HTR4: variants seen among roughly 807,000 people sequenced by gnomAD.
HTR4 encodes the protein 5-hydroxytryptamine receptor 4.
HTR4 carries 16 observed loss-of-function variants against 36.8 expected under a neutral mutation model. The observed-to-expected ratio is 0.43, with a 90% confidence interval of 0.29 to 0.66. The LOEUF (loss-of-function observed/expected upper bound fraction) is 0.66, where lower values mean the gene tolerates loss of function less well. Ranked by LOEUF, HTR4 falls within the 30% of genes least tolerant of loss-of-function variation. HTR4 has a pLI of 0.13. For missense variants in HTR4, 438 were observed against 490.9 expected (o/e 0.89, Z 1.02); for synonymous variants, 189 against 185.1 (o/e 1.02, Z -0.17).
intron 2 of HTR4, among the ~76,000 whole-genome samples, chr5:148,588,245 C>A (rs1180836074): frequency 6.6e-6 from 1 of 152,182 alleles, no homozygotes; most frequent in Non-Finnish European, 1.5e-5. Context: ...CATTGTTGAC[C>A]AACCTCTTTA....
intron 2 of HTR4, among the ~76,000 whole-genome samples, chr5:148,591,979 A>G (rs1761591664): frequency 6.6e-6 from 1 of 152,130 alleles, no homozygotes; most frequent in Non-Finnish European, 1.5e-5. Context: ...AGACATGGAA[A>G]CAACTGAAAT....
chr5:148,566,038 T>C (rs1313041157), intron 2 of HTR4, among the ~76,000 whole-genome samples: 1 of 152,216 alleles, frequency 6.6e-6, no homozygotes, highest in African/African-American at 2.4e-5. Flanking sequence ...CTTATAGCTG[T>C]TCATAAAGAT....
intron 5 of HTR4, among the ~76,000 whole-genome samples, chr5:148,518,509 T>G (rs1339836401): frequency 2.6e-5 from 4 of 152,210 alleles, no homozygotes; most frequent in South Asian, 4.1e-4. Context: ...TTGTAATTCC[T>G]TCCCAAAAGT....
intron 6 of HTR4, chr5:148,490,535 T>G: frequency 9.0e-7 from 1 of 1,114,684 alleles, no homozygotes; most frequent in African/African-American, 1.7e-5. Flanking sequence ...GGACGATGCT[T>G]ATGATTTTGT....
At chr5:148,585,371 A>G (rs760717116) in intron 2 of HTR4, among the ~76,000 whole-genome samples, 18 of 152,210 alleles carry the variant, frequency 1.2e-4, no homozygotes, top group Non-Finnish European at 2.4e-4. Flanking sequence ...TACCAAAATA[A>G]AACTAATGAA....
At chr5:148,472,018 T>C (rs190222674), downstream of HTR4, among the ~76,000 whole-genome samples, 503 of 152,314 alleles carry the variant, frequency 3.3e-3, 3 homozygotes, top group African/African-American at 0.011. Context: ...ACTCTCAGGA[T>C]ACTCACATAG....
chr5:148,582,416 C>T (rs1761171522), intron 2 of HTR4, among the ~76,000 whole-genome samples: 1 of 151,646 alleles, frequency 6.6e-6, no homozygotes, highest in African/African-American at 2.4e-5. Context: ...GAGCATATTA[C>T]CCAATAGTTA....
rs555265164 is a variant in HTR4 at position 148,507,113 on chromosome 5, T to G, written c.1076+2343A>C. Among the ~76,000 whole-genome samples the G allele has an allele frequency of 2.7e-3, 407 of 151,918 alleles. 2 individuals carry two copies. The Middle Eastern group carries it at 0.027, about 10-fold the overall frequency. The stretch of plus-strand genomic sequence containing the variant: ...GGCACTATTCACAATAGCAAACACT[T>G]GGAACCAACCCAAATGTCCATCAAT... On this transcript the variant is annotated intron_variant, in intron 6 of 6. Coordinates refer to ENST00000377888, the MANE Select transcript of HTR4 (RefSeq NM_000870.7).
intron 2 of HTR4, among the ~76,000 whole-genome samples, chr5:148,596,556 G>A (rs895744252): frequency 2.0e-5 from 3 of 152,038 alleles, no homozygotes; most frequent in Non-Finnish European, 4.4e-5. Context: ...GAGCTGATCA[G>A]TGCATATTAG....
intron 2 of HTR4, among the ~76,000 whole-genome samples, chr5:148,598,655 A>C (rs545052532): frequency 3.9e-5 from 6 of 152,334 alleles, no homozygotes; most frequent in African/African-American, 1.4e-4. Flanking sequence ...CTAGCACTTT[A>C]AAAAGTGTCT....
intron 2 of HTR4, among the ~76,000 whole-genome samples, chr5:148,591,702 C>G (rs1352752759): frequency 1.3e-5 from 2 of 152,102 alleles, no homozygotes; most frequent in Non-Finnish European, 2.9e-5. Flanking sequence ...ATGAACAATA[C>G]TCAGTATCAC....
chr5:148,651,095 C>T (rs1754019203), intron 1 of HTR4, among the ~76,000 whole-genome samples: 1 of 152,156 alleles, frequency 6.6e-6, no homozygotes, highest in Non-Finnish European at 1.5e-5. Flanking sequence ...ATGAGAGTAA[C>T]AGAAGTATCT....
intron 5 of HTR4, among the ~76,000 whole-genome samples, chr5:148,459,324 A>G (rs1046413764): frequency 2.6e-5 from 4 of 152,154 alleles, no homozygotes; most frequent in African/African-American, 9.7e-5. Context: ...ATCTGAGAAG[A>G]ATCCCCTCAT....
At chr5:148,555,262 C>G (rs929633169) in intron 2 of HTR4, among the ~76,000 whole-genome samples, 13 of 152,194 alleles carry the variant, frequency 8.5e-5, no homozygotes, top group African/African-American at 2.9e-4. Context: ...CTTATACTGT[C>G]TTTACTCTTG....
chr5:148,651,610 C>T (rs1020488404), intron 1 of HTR4, among the ~76,000 whole-genome samples: 9 of 152,032 alleles, frequency 5.9e-5, no homozygotes, highest in African/African-American at 2.2e-4. Context: ...GAGCACAGTC[C>T]TCACAACAAC....
chr5:148,601,551 A>T (rs1365216458), intron 2 of HTR4, among the ~76,000 whole-genome samples: 1 of 152,200 alleles, frequency 6.6e-6, no homozygotes, highest in Non-Finnish European at 1.5e-5. Context: ...CTGTAATCCC[A>T]GCACTTTGGG....
At chr5:148,536,302 A>G (rs1177706521) in intron 4 of HTR4, among the ~76,000 whole-genome samples, 2 of 152,176 alleles carry the variant, frequency 1.3e-5, no homozygotes, top group East Asian at 1.9e-4. Context: ...ACACAGACCA[A>G]TGATATATAA....
intron 2 of HTR4, among the ~76,000 whole-genome samples, chr5:148,588,860 A>G (rs1296338520): frequency 6.6e-6 from 1 of 151,772 alleles, no homozygotes; most frequent in Non-Finnish European, 1.5e-5. Context: ...TATAATAAAT[A>G]TACAAATATG....
At chr5:148,641,305 G>C (rs1480166273) in intron 1 of HTR4, among the ~76,000 whole-genome samples, 2 of 152,104 alleles carry the variant, frequency 1.3e-5, no homozygotes, top group African/African-American at 4.8e-5. Context: ...ATTAAGACCT[G>C]GTGTGTATGT....
Sources: allele counts gnomAD v4.1 joint callset (sites outside exome capture counted in the v4.1 genomes callset), GRCh38; gene constraint gnomAD v4.1.1; transcripts MANE v1.5; gene names NCBI Gene and HGNC (gene_info 2026-07-23, HGNC 2026-07-21).